Variants in DLG2 observed in about 807,000 individuals in gnomAD.
The protein encoded by DLG2 is discs large MAGUK scaffold protein 2.
DLG2 carries 45 observed loss-of-function variants against 132.5 expected under a neutral mutation model. The observed-to-expected ratio is 0.34, with a 90% CI of 0.27 to 0.44. The LOEUF (loss-of-function observed/expected upper bound fraction) is 0.44, where lower values mean the gene tolerates loss of function less well. DLG2 is among the 20% of genes least tolerant of loss of function. DLG2 has a pLI of 1.00. For missense variants in DLG2, 1,045 were observed against 1,196.9 expected (o/e 0.87, Z 1.87); for synonymous variants, 424 against 419.6 (o/e 1.01, Z -0.13).
intron 7 of DLG2, among the ~76,000 whole-genome samples, chr11:84,328,385 T>A (rs2098443252): frequency 6.6e-6 from 1 of 152,110 alleles, no homozygotes; most frequent in Non-Finnish European, 1.5e-5. Flanking sequence ...TTTAAAAAGA[T>A]AATTAAAACA....
intron 6 of DLG2, among the ~76,000 whole-genome samples, chr11:84,660,881 G>A (rs2099693793): frequency 6.6e-6 from 1 of 152,118 alleles, no homozygotes; most frequent in Non-Finnish European, 1.5e-5. Context: ...TGAAATTGAT[G>A]CCACAAAATG....
At chr11:83,537,440 T>C (rs1468874906) in intron 20 of DLG2, among the ~76,000 whole-genome samples, 2 of 152,110 alleles carry the variant, frequency 1.3e-5, no homozygotes, top group South Asian at 2.1e-4. Flanking sequence ...TAAACTCTTA[T>C]ATAATGCCAG....
intron 6 of DLG2, among the ~76,000 whole-genome samples, chr11:84,722,531 C>T (rs1435082931): frequency 6.6e-5 from 10 of 152,122 alleles, no homozygotes; most frequent in African/African-American, 2.4e-4. Flanking sequence ...GAAAATAAAC[C>T]TGATTATGTC....
chr11:85,279,150 T>G (rs182905433), intron 4 of DLG2, among the ~76,000 whole-genome samples: 1 of 151,988 alleles, frequency 6.6e-6, no homozygotes, highest in African/African-American at 2.4e-5. Flanking sequence ...GGTCAAGAAC[T>G]AGAATATTGG....
intron 6 of DLG2, among the ~76,000 whole-genome samples, chr11:84,822,125 C>G (rs535567017): frequency 2.0e-5 from 3 of 151,778 alleles, no homozygotes; most frequent in Non-Finnish European, 4.4e-5. Context: ...CCATAAGTGG[C>G]AACTCTGTCA....
Position 84,546,738 on chromosome 11 carries a change from T to C in DLG2, c.358-12007A>G, listed in dbSNP as rs547651438. 1.1e-4 allele frequency: 46 copies of C among 426,752 alleles called. 1 individual carries two copies. The highest frequency in any genetic ancestry group is 5.6e-4 in the African/African-American group (28 of 49,700). The allele number at this position is 426,752 out of a possible 1,614,324, so 26.4% of individuals were successfully genotyped here. A position where few individuals can be genotyped will look rare whatever the true frequency, so the allele number is the denominator to read the frequency against. On this transcript the variant is annotated intron_variant, in intron 6 of 27. Coordinates refer to ENST00000376104, the MANE Select transcript of DLG2 (RefSeq NM_001142699.3). ...CACACAGTCCATGAGTGCTCCCAAT[T>C]GCTCACAATGGCTCTTCAGACTCTC...
intron 7 of DLG2, among the ~76,000 whole-genome samples, chr11:84,489,925 A>C (rs1339791011): frequency 3.3e-5 from 5 of 152,102 alleles, no homozygotes; most frequent in African/African-American, 1.2e-4. Context: ...GAGAAAAAAG[A>C]GGCAGAAAAA....
chr11:83,968,627 G>A (rs774591430), intron 12 of DLG2, among the ~76,000 whole-genome samples: 3 of 152,120 alleles, frequency 2.0e-5, no homozygotes, highest in Non-Finnish European at 4.4e-5. Flanking sequence ...AAACTTTCAC[G>A]ATAACTTATG....
intron 18 of DLG2, among the ~76,000 whole-genome samples, chr11:83,649,960 T>C (rs1173839750): frequency 2.6e-4 from 40 of 152,224 alleles, no homozygotes; most frequent in Admixed American, 2.6e-3. Context: ...TTTTTTAACT[T>C]TATTCAAACA....
chr11:84,570,233 T>G (rs2099476252), intron 6 of DLG2, among the ~76,000 whole-genome samples: 1 of 152,184 alleles, frequency 6.6e-6, no homozygotes, highest in Non-Finnish European at 1.5e-5. Flanking sequence ...GTTTCACATT[T>G]CCTTGCCATT....
chr11:83,851,581 G>A (rs1173794075), intron 16 of DLG2, among the ~76,000 whole-genome samples: 3 of 149,976 alleles, frequency 2.0e-5, no homozygotes, highest in Non-Finnish European at 4.4e-5. Flanking sequence ...GAGCGGAGAT[G>A]GAGCCATTGC....
intron 15 of DLG2, among the ~76,000 whole-genome samples, chr11:83,907,803 C>T (rs1028311740): frequency 1.3e-5 from 2 of 152,052 alleles, no homozygotes; most frequent in Non-Finnish European, 2.9e-5. Flanking sequence ...ATTTAAGGCC[C>T]TCCATTTTAT....
At position 83,799,560 on chromosome 11, in the gene DLG2, A is replaced by G. The variant is rs868829794; in HGVS notation, c.1723-12768T>C. ...AGAGAGGAAAACAGAGGAAGATTCT[A>G]TGCAGCTATTCTCCTCAAATACTTC... is the stretch of plus-strand genomic sequence containing the variant. On this transcript the variant is annotated intron_variant, in intron 17 of 27. Coordinates refer to ENST00000376104, the MANE Select transcript of DLG2 (RefSeq NM_001142699.3). Among the ~76,000 whole-genome samples the G allele has an allele frequency of 3.3e-5, 5 of 152,354 alleles. No homozygotes were observed. The South Asian group carries it at 1.0e-3, about 32-fold the overall frequency.
chr11:84,778,111 A>G (rs1022003083), intron 6 of DLG2, among the ~76,000 whole-genome samples: 1 of 152,104 alleles, frequency 6.6e-6, no homozygotes, highest in Non-Finnish European at 1.5e-5. Flanking sequence ...TCTTTAATCC[A>G]TCTTGAGTTG....
At chr11:85,459,350 G>C (rs2092528739) in intron 3 of DLG2, among the ~76,000 whole-genome samples, 1 of 152,144 alleles carries the variant, frequency 6.6e-6, no homozygotes, top group Admixed American at 6.5e-5. Flanking sequence ...ACAGGGATGA[G>C]CGACCAGGCT....
intron 5 of DLG2, among the ~76,000 whole-genome samples, chr11:85,123,526 T>C (rs1332586640): frequency 1.3e-5 from 2 of 152,194 alleles, no homozygotes; most frequent in Non-Finnish European, 2.9e-5. Context: ...TAACTCCTAC[T>C]TTTCTAACCA....
rs1187982273 is a variant in DLG2 at position 84,378,903 on chromosome 11, G to A, written c.520-127612C>T. ...GGAAGTTGCAGTGAACCAAGATCGC[G>A]CCACTTCACTCCAGCCTGGCAACAG... On this transcript the variant is annotated intron_variant, in intron 7 of 27. Coordinates refer to ENST00000376104, the MANE Select transcript of DLG2 (RefSeq NM_001142699.3). Among the ~76,000 whole-genome samples the A allele has an allele frequency of 1.6e-4, 25 of 151,778 alleles. No homozygotes were observed. The South Asian group carries it at 4.0e-3, about 24-fold the overall frequency.
At chr11:85,130,055 G>A (rs2075545145) in intron 5 of DLG2, among the ~76,000 whole-genome samples, 1 of 152,060 alleles carries the variant, frequency 6.6e-6, no homozygotes, top group African/African-American at 2.4e-5. Context: ...GGGGCCTTTT[G>A]AGGGGTGGGG....
In DLG2 at chr11:85,299,794, C is replaced by T. The variant is rs188922650; in HGVS notation, c.41-14429G>A. On this transcript the variant is annotated intron_variant, in intron 3 of 27. Transcript: ENST00000376104. Reference sequence around the variant, plus strand: ...TTTACTTTTCTAATAAATTCCCATGCGATGCTGGTGTTGCTGGTCCAGGGA... The same window carrying T: ...TTTACTTTTCTAATAAATTCCCATGTGATGCTGGTGTTGCTGGTCCAGGGA... Among the ~76,000 whole-genome samples the T allele has an allele frequency of 8.0e-4, 122 of 152,238 alleles. 1 individual carries two copies. In the East Asian group the frequency reaches 0.013, roughly 16 times the overall value.
Sources: gnomAD v4.1 joint callset for allele counts (sites outside exome capture counted in the v4.1 genomes callset) on GRCh38, gnomAD v4.1.1 for gene constraint, MANE v1.5 for transcripts, NCBI Gene and HGNC (gene_info 2026-07-23, HGNC 2026-07-21) for gene names.